C19orf44: variants seen among roughly 807,000 people sequenced by gnomAD.
C19orf44 encodes chromosome 19 open reading frame 44.
C19orf44 carries 43 observed loss-of-function variants against 50.7 expected under a neutral mutation model. The ratio of observed to expected loss-of-function variants is 0.85; its 90% CI spans 0.66 to 1.09. The LOEUF (loss-of-function observed/expected upper bound fraction) is 1.09. C19orf44 is among the 50% of genes least tolerant of loss of function. C19orf44 has a pLI of 0.00. For synonymous variants in C19orf44, 298 were observed against 334.7 expected, an observed-to-expected ratio of 0.89 and a Z score of 1.20; for missense variants, 722 against 836.2, an observed-to-expected ratio of 0.86 and a Z score of 1.68.
chr19:16,514,470 C>T, intron 6 of C19orf44, 27 bp from the exon 7 acceptor site: 2 of 1,560,952 alleles, frequency 1.3e-6, no homozygotes, highest in East Asian at 4.8e-5. Context: ...CCCAGCGAAG[C>T]CACCGAGTAA....
rs769168916 is a variant in C19orf44, at chr19:16,503,255, C to T, written c.950C>T (p.Thr317Ile). 3.1e-6 allele frequency: 5 copies of T among 1,614,184 alleles called. No homozygotes were observed. Among genetic ancestry groups the T allele is most frequent in the Admixed American group, 1.7e-5 (1 of 60,008 alleles). Reference sequence around the variant, plus strand: ...TCCCACACGCCGTCAGTTTCCATCACAGGCGCCTTTTCAAACTCAGTGTCT... The same window carrying T: ...TCCCACACGCCGTCAGTTTCCATCATAGGCGCCTTTTCAAACTCAGTGTCT... Reference protein sequence around the residue: ...TASHTPSVSITGAFSNSVSLK... With the variant: ...TASHTPSVSIIGAFSNSVSLK... Residue 317 changes from threonine (T) to isoleucine (I), a missense_variant, in exon 3 of 9, where the codon ACA (threonine) becomes ATA (isoleucine). Physicochemically the swap from Thr to Ile is moderately conservative, Grantham distance 89 (BLOSUM62 -1). Coordinates refer to ENST00000221671, the MANE Select transcript of C19orf44 (RefSeq NM_032207.4).
Position 16,509,702 on chromosome 19 carries a change from C to A in C19orf44, c.1353C>A (p.Ser451Arg). ...ASAIQQDSTS[S>R]MQPPSEAPMV... is the part of the protein sequence containing the mutation. ...CCATCCAGCAGGACAGCACTTCCAG[C>A]ATGCAGCCACCATCTGAAGCCCCCA... Residue 451 changes from serine (S) to arginine (R), a missense_variant, in exon 5 of 9, where the codon AGC (serine) becomes AGA (arginine). Coordinates refer to ENST00000221671, the MANE Select transcript of C19orf44 (RefSeq NM_032207.4). 1 of 1,614,256 alleles carries A rather than the reference C, an allele frequency of 6.2e-7. No homozygotes were observed. Among genetic ancestry groups the A allele is most frequent in the Non-Finnish European group, 8.5e-7 (1 of 1,180,042 alleles).
At position 16,520,013 on chromosome 19, in the gene C19orf44, T is replaced by G. The variant is rs1599744676; in HGVS notation, c.*41-81T>G. On this transcript the variant is annotated intron_variant, in intron 8 of 8. Transcript: ENST00000221671. This position sits in a 1 kb window ranked among gnomAD's most constrained non-coding sequence, Gnocchi z 4.0. ...GCCAAGTGGCTACTGTGGTGAAGGG[T>G]GAGGGGTGCCACTGTCCCCGGGCTA... 1 of 916,030 alleles carries G rather than the reference T, an allele frequency of 1.1e-6. No individual in the cohort carries two copies. The allele number at this position is 916,030 out of a possible 1,614,324, so 56.7% of individuals were successfully genotyped here. A position where few individuals can be genotyped will look rare whatever the true frequency, so the allele number is the denominator to read the frequency against.
intron 5 of C19orf44, 38 bp from the exon 6 acceptor site, chr19:16,512,976 G>T (rs372524115): frequency 1.3e-6 from 2 of 1,579,048 alleles, no homozygotes; most frequent in Admixed American, 3.4e-5. Context: ...ATTTCTCTGC[G>T]TCCTGCCTGC....
chr19:16,500,313 C>A (rs2093421333), intron 1 of C19orf44, among the ~76,000 whole-genome samples: 1 of 151,540 alleles, frequency 6.6e-6, no homozygotes. Context: ...CACACGTCAC[C>A]TTATTGCTCT....
intron 6 of C19orf44, 136 bp from the exon 7 acceptor site, chr19:16,514,361 G>A: frequency 4.5e-6 from 4 of 898,690 alleles, no homozygotes; most frequent in Middle Eastern, 3.5e-4. Flanking sequence ...TCCAGCCTGG[G>A]TGGCAGAGCG....
In C19orf44 at chr19:16,506,948, C is replaced by T. The variant is rs546984011; in HGVS notation, c.1149+174C>T. On this transcript the variant is annotated intron_variant, in intron 4 of 8. Coordinates refer to ENST00000221671, the MANE Select transcript of C19orf44 (RefSeq NM_032207.4). ...TCAGCCTCCCAAAGTGCTGGGATTA[C>T]AGGTGTGAGCGACCATGCCTGGCCC... Among the ~76,000 whole-genome samples, 626 of 152,218 alleles carry T rather than the reference C, an allele frequency of 4.1e-3. 3 individuals carry two copies. Among genetic ancestry groups the T allele is most frequent in the African/African-American group, 0.014 (579 of 41,520 alleles).
Position 16,519,028 on chromosome 19 carries a change from C to T in C19orf44, c.*41-1066C>T. 2.3e-6 allele frequency: 2 copies of T among 865,104 alleles called. No individual in the cohort carries two copies. The highest frequency in any genetic ancestry group is 3.5e-6 in the Non-Finnish European group (2 of 570,602). 53.6% of individuals were successfully genotyped at this position (865,104 alleles called of 1,614,324 possible). On this transcript the variant is annotated intron_variant, in intron 8 of 8. Transcript: ENST00000221671. The surrounding 1 kb of genome is among the most constrained non-coding windows in gnomAD (Gnocchi z 6.0). ...CTGGGCATGCGCTGGTCTTCCTTCT[C>T]TTCCTGTGGCTCTCCACAAGTGGAG...
intron 1 of C19orf44, 130 bp from the exon 2 acceptor site, chr19:16,500,662 C>T: frequency 1.1e-6 from 1 of 929,262 alleles, no homozygotes; most frequent in South Asian, 1.7e-5. Flanking sequence ...TCATTGTCAT[C>T]CTTGGGCTTG....
chr19:16,520,048 G>T lies in C19orf44; in HGVS notation c.*41-46G>T. The T allele has an allele frequency of 8.1e-7, 1 of 1,236,424 alleles. No individual in the cohort carries two copies. The highest frequency in any genetic ancestry group is 1.2e-6 in the Non-Finnish European group (1 of 862,638). The allele number at this position is 1,236,424 out of a possible 1,614,324, so 76.6% of individuals were successfully genotyped here. A position where few individuals can be genotyped will look rare whatever the true frequency, so the allele number is the denominator to read the frequency against. ...CACTGTCCCCGGGCTAATGCTGGCG[G>T]CCTCCTAACACAGTCTCCTAACCAC... On this transcript the variant is annotated intron_variant, in intron 8 of 8. Transcript: ENST00000221671. The surrounding 1 kb of genome is among the most constrained non-coding windows in gnomAD (Gnocchi z 4.0).
intron 7 of C19orf44, 81 bp downstream of exon 7, chr19:16,514,744 C>G (rs939647836): frequency 1.4e-6 from 2 of 1,398,740 alleles, no homozygotes; most frequent in Non-Finnish European, 1.9e-6. Context: ...GGATATGGGC[C>G]GGGGCCTGGG....
In C19orf44 at chr19:16,509,981, G is replaced by T; in HGVS notation, c.1632G>T (p.Trp544Cys). ...QTPDPAFTYE[W>C]TKVASMAAMG... ...CAGATCCTGCCTTCACCTACGAGTG[G>T]ACCAAGGGTAAGCCTTGGGGCCCGT... The change falls in exon 5 of 9, where the codon TGG (tryptophan) becomes TGT (cysteine). Residue 544 changes from tryptophan to cysteine, a missense_variant. Trp to Cys is a radical substitution (Grantham distance 215). Transcript: ENST00000221671. 1 of 1,614,172 alleles carries T rather than the reference G, an allele frequency of 6.2e-7. No homozygotes were observed. The highest frequency in any genetic ancestry group is 8.5e-7 in the Non-Finnish European group (1 of 1,180,028).
At chr19:16,508,073 G>A (rs2093445550) in intron 4 of C19orf44, among the ~76,000 whole-genome samples, 1 of 151,852 alleles carries the variant, frequency 6.6e-6, no homozygotes, top group African/African-American at 2.4e-5. Flanking sequence ...CCAGAGTGCT[G>A]GGATTACAGG....
In C19orf44 at chr19:16,500,778, C is replaced by T. The variant is rs1463818791; in HGVS notation, c.-1-14C>T. 3.2e-6 allele frequency: 5 copies of T among 1,548,428 alleles called. No homozygotes were observed. Among genetic ancestry groups the T allele is most frequent in the Non-Finnish European group, 4.3e-6 (5 of 1,151,312 alleles). On this transcript the variant is annotated splice_polypyrimidine_tract_variant and intron_variant, in intron 1 of 8. Coordinates refer to ENST00000221671, the MANE Select transcript of C19orf44 (RefSeq NM_032207.4). ...CAGGTACTCTTATGCAAAATTGCTC[C>T]TCTTCCTCCACAGAATGGCTTCTGC...
At chr19:16,503,846 T>A (rs1250828549) in intron 3 of C19orf44, among the ~76,000 whole-genome samples, 1 of 152,142 alleles carries the variant, frequency 6.6e-6, no homozygotes, top group Non-Finnish European at 1.5e-5. Flanking sequence ...ATTACAAGTG[T>A]GAGCCACTAC....
chr19:16,519,811 C>T lies in C19orf44; in HGVS notation c.*41-283C>T. 1.9e-6 allele frequency: 2 copies of T among 1,045,714 alleles called. No homozygotes were observed. Among genetic ancestry groups the T allele is most frequent in the African/African-American group, 1.6e-5 (1 of 64,128 alleles). 64.8% of individuals were successfully genotyped at this position (1,045,714 alleles called of 1,614,324 possible). A position where few individuals can be genotyped will look rare whatever the true frequency, so the allele number is the denominator to read the frequency against. On this transcript the variant is annotated intron_variant, in intron 8 of 8. Transcript: ENST00000221671. The surrounding 1 kb of genome is among the most constrained non-coding windows in gnomAD (Gnocchi z 6.0). ...CTCACAGCCGCAGCTTGCGTGCATGCTCACTGTCACCAGGTGACACCGTAT... is the reference window on the plus strand; with the variant it reads ...CTCACAGCCGCAGCTTGCGTGCATGTTCACTGTCACCAGGTGACACCGTAT...
In C19orf44 at chr19:16,520,490, C is replaced by G. The variant is rs759063404; in HGVS notation, c.*437C>G. 1 of 1,613,510 alleles carries G rather than the reference C, an allele frequency of 6.2e-7. No homozygotes were observed. On this transcript the variant is annotated 3_prime_UTR_variant, in exon 9 of 9. Coordinates refer to ENST00000221671, the MANE Select transcript of C19orf44 (RefSeq NM_032207.4). This position sits in a 1 kb window ranked among gnomAD's most constrained non-coding sequence, Gnocchi z 4.0. Reference sequence around the variant, plus strand: ...ACGCCCTCGACTCTTGGATCTGCTCCGAGACCTCGAGGGTCCGCTGTGGGG... The same window carrying G: ...ACGCCCTCGACTCTTGGATCTGCTCGGAGACCTCGAGGGTCCGCTGTGGGG...
intron 7 of C19orf44, 150 bp from the exon 8 acceptor site, chr19:16,517,080 C>T (rs1333235463): frequency 1.4e-6 from 1 of 700,800 alleles, no homozygotes; most frequent in African/African-American, 1.8e-5. Context: ...CGTGCGCCAA[C>T]CTGTCACACA....
chr19:16,517,223 C>G lies in C19orf44; in HGVS notation c.1903-7C>G, dbSNP rs149902567. 1 of 1,613,800 alleles carries G rather than the reference C, an allele frequency of 6.2e-7. No homozygotes were observed. The highest frequency in any genetic ancestry group is 8.5e-7 in the Non-Finnish European group (1 of 1,179,786). ...GGTGATGGCGTGGTCTGTTCTCTGC[C>G]TGACAGTACATTAGGTGCCACAGAC... is the stretch of plus-strand genomic sequence containing the variant. On this transcript the variant is annotated splice_region_variant and splice_polypyrimidine_tract_variant and intron_variant, in intron 7 of 8. Transcript: ENST00000221671.
Sources: allele counts gnomAD v4.1 joint callset (sites outside exome capture counted in the v4.1 genomes callset), GRCh38; gene constraint gnomAD v4.1.1; non-coding constraint Gnocchi (gnomAD v3.1); transcripts MANE v1.5; gene names NCBI Gene and HGNC (gene_info 2026-07-23, HGNC 2026-07-21).